Variants in CACNA1C observed in about 807,000 individuals in gnomAD.
CACNA1C encodes calcium voltage-gated channel subunit alpha1 C.
In CACNA1C, 30 loss-of-function variants were observed where a neutral mutation model predicts 229.0. That is an observed-to-expected ratio of 0.13 (90% CI 0.10 to 0.18). The LOEUF (loss-of-function observed/expected upper bound fraction) is 0.18. Among genes scored for constraint, CACNA1C ranks in the 10% least tolerant of loss-of-function variants. The pLI is 1.00. For synonymous variants in CACNA1C, 1,114 were observed against 1,132.5 expected, an observed-to-expected ratio of 0.98 and a Z score of 0.33; for missense variants, 1,658 against 2,845.0, an observed-to-expected ratio of 0.58 and a Z score of 9.49.
At chr12:2,175,553 G>A (rs1295743516) in intron 3 of CACNA1C, among the ~76,000 whole-genome samples, 1 of 152,100 alleles carries the variant, frequency 6.6e-6, no homozygotes, top group Non-Finnish European at 1.5e-5. Flanking sequence ...ACACTGAGAT[G>A]GGTGGGTGGG....
chr12:2,376,659 C>A (rs1299431011), intron 3 of CACNA1C, among the ~76,000 whole-genome samples: 79 of 152,170 alleles, frequency 5.2e-4, no homozygotes, highest in Non-Finnish European at 2.9e-5. Flanking sequence ...TTTCTGCTCA[C>A]AGGAGCCCTT....
intron 3 of CACNA1C, among the ~76,000 whole-genome samples, chr12:2,311,572 C>A (rs562425126): frequency 1.3e-5 from 2 of 152,160 alleles, no homozygotes; most frequent in Non-Finnish European, 2.9e-5. Context: ...AGCAAACAGG[C>A]GACAGCGTGA....
intron 1 of CACNA1C, among the ~76,000 whole-genome samples, chr12:2,025,751 C>T (rs551990721): frequency 2.6e-4 from 40 of 152,262 alleles, no homozygotes; most frequent in Admixed American, 1.6e-3. Flanking sequence ...TTTCACTGGC[C>T]GAGCAGAGCC....
At chr12:2,081,456 C>T (rs1023549794) in intron 1 of CACNA1C, among the ~76,000 whole-genome samples, 4 of 151,898 alleles carry the variant, frequency 2.6e-5, no homozygotes, top group Admixed American at 2.0e-4. Flanking sequence ...CTGTAGTCCC[C>T]GCTACTCGGG....
chr12:2,331,923 T>C (rs1260734922), intron 3 of CACNA1C, among the ~76,000 whole-genome samples: 2 of 152,150 alleles, frequency 1.3e-5, no homozygotes, highest in African/African-American at 2.4e-5. Context: ...AATATGACAA[T>C]TAAGTGTAAT....
chr12:2,095,993 G>T (rs1384824428), intron 1 of CACNA1C, among the ~76,000 whole-genome samples: 1 of 152,132 alleles, frequency 6.6e-6, no homozygotes, highest in African/African-American at 2.4e-5. Flanking sequence ...TTTCATACTG[G>T]CTGTGTGCCA....
At chr12:2,052,898 C>T, upstream of CACNA1C, 1 of 763,792 alleles carries the variant, frequency 1.3e-6, no homozygotes, top group Non-Finnish European at 1.6e-6. Flanking sequence ...GCGCGCCGGG[C>T]GGGCGGGCGG....
intron 3 of CACNA1C, among the ~76,000 whole-genome samples, chr12:2,268,389 C>T (rs1417287108): frequency 6.6e-6 from 1 of 152,204 alleles, no homozygotes; most frequent in Non-Finnish European, 1.5e-5. Context: ...TCGACTTATC[C>T]AAGGCCTGGG....
chr12:2,511,571 T>TACACACAC lies in CACNA1C; in HGVS notation c.1218-1227_1218-1220dup, dbSNP rs35169529. Among the ~76,000 whole-genome samples the TACACACAC allele has an allele frequency of 5.3e-3, 793 of 149,992 alleles. 8 individuals are homozygous for TACACACAC. The highest frequency in any genetic ancestry group is 0.018 in the African/African-American group (749 of 40,894). ...AATTAACCAAGATGTCCTATGCATGTACACACACACACACACACACAAATA... is the reference window on the plus strand; with the variant it reads ...AATTAACCAAGATGTCCTATGCATGTACACACACACACACACACACACACACACAAATA... On this transcript the variant is annotated intron_variant, in intron 8 of 46. Coordinates refer to ENST00000399655, the MANE Select transcript of CACNA1C (RefSeq NM_000719.7).
At chr12:2,451,074 C>T (rs534158290) in intron 4 of CACNA1C, among the ~76,000 whole-genome samples, 1 of 152,222 alleles carries the variant, frequency 6.6e-6, no homozygotes, top group South Asian at 2.1e-4. Flanking sequence ...GCCACATGAA[C>T]CTCAGGAATA....
chr12:2,369,403 C>CT (rs372810217), intron 3 of CACNA1C, among the ~76,000 whole-genome samples: 3,973 of 141,982 alleles, frequency 0.028, 109 homozygotes, highest in Middle Eastern at 0.099. Flanking sequence ...CTTTACATAC[C>CT]TTTTTTTTTT....
In CACNA1C at chr12:2,584,613, G is replaced by T. The variant is rs757994148; in HGVS notation, c.2335G>T (p.Ala779Ser). The change falls in exon 16 of 47, where the codon GCC becomes TCC. Residue 779 changes from alanine (A) to serine (S), a missense_variant. Physicochemically the swap from Ala to Ser is moderately conservative, Grantham distance 99. Around this residue, in one of 20 missense-constraint regions of CACNA1C, gnomAD observed 121 missense variants for 128.8 expected, o/e 0.94. Coordinates refer to ENST00000399655, the MANE Select transcript of CACNA1C (RefSeq NM_000719.7). Reference protein sequence around the residue: ...EEEEKERKKLARTASPEKKQE... With the variant: ...EEEEKERKKLSRTASPEKKQE... ...AGAGGAGAAGGAGAGAAAGAAGCTG[G>T]CCAGGTAACCCTCTAAGCTTGCCCA... is the stretch of plus-strand genomic sequence containing the variant. 6.2e-7 allele frequency: 1 copy of T among 1,609,274 alleles called. No homozygotes were observed. Among genetic ancestry groups the T allele is most frequent in the Non-Finnish European group, 8.5e-7 (1 of 1,176,198 alleles).
intron 3 of CACNA1C, among the ~76,000 whole-genome samples, chr12:2,378,895 C>T (rs2098155673): frequency 6.6e-6 from 1 of 151,828 alleles, no homozygotes. Context: ...TAGTCAGTTT[C>T]ATGTGTCTTC....
At chr12:2,199,619 A>G (rs920621603) in intron 3 of CACNA1C, among the ~76,000 whole-genome samples, 27 of 152,102 alleles carry the variant, frequency 1.8e-4, no homozygotes, top group Admixed American at 1.4e-3. Flanking sequence ...TGGATTTTCA[A>G]CTGTAAGGGA....
chr12:2,561,908 A>G (rs576096888), intron 11 of CACNA1C, among the ~76,000 whole-genome samples: 1 of 152,344 alleles, frequency 6.6e-6, no homozygotes, highest in South Asian at 2.1e-4. Flanking sequence ...TGTATCCTCC[A>G]TGCATATGTA....
chr12:2,228,911 A>G (rs2063844596), intron 3 of CACNA1C, among the ~76,000 whole-genome samples: 3 of 152,146 alleles, frequency 2.0e-5, no homozygotes, highest in Admixed American at 2.0e-4. Context: ...ATTGAGATGG[A>G]GTATTTTCCA....
In CACNA1C at chr12:2,513,178, C is replaced by T. The variant is rs539788130; in HGVS notation, c.1390+194C>T. Among the ~76,000 whole-genome samples the T allele has an allele frequency of 6.6e-5, 10 of 152,316 alleles. No individual in the cohort carries two copies. In the South Asian group the frequency reaches 8.3e-4, roughly 13 times the overall value. Reference sequence around the variant, plus strand: ...GTCACATGTGGGAAATCATAGCTGTCGATCTAGAAAACCTCATGCTCCTTT... The same window carrying T: ...GTCACATGTGGGAAATCATAGCTGTTGATCTAGAAAACCTCATGCTCCTTT... On this transcript the variant is annotated intron_variant, in intron 9 of 46. Transcript: ENST00000399655.
chr12:2,335,843 G>A (rs1298896831), intron 3 of CACNA1C, among the ~76,000 whole-genome samples: 3 of 152,024 alleles, frequency 2.0e-5, no homozygotes. Context: ...CTTTTGCCCA[G>A]AATTGTCAAG....
chr12:2,374,755 T>C (rs2097987522), intron 3 of CACNA1C, among the ~76,000 whole-genome samples: 1 of 152,196 alleles, frequency 6.6e-6, no homozygotes, highest in Admixed American at 6.5e-5. Flanking sequence ...CACATTAGCA[T>C]TAGGTGACAA....
Sources: allele counts gnomAD v4.1 joint callset (sites outside exome capture counted in the v4.1 genomes callset), GRCh38; gene constraint gnomAD v4.1.1; regional missense constraint gnomAD v4.1.1; transcripts MANE v1.5; gene names NCBI Gene and HGNC (gene_info 2026-07-23, HGNC 2026-07-21).